LRP1B: variants seen among roughly 807,000 people sequenced by gnomAD.
The protein encoded by LRP1B is low-density lipoprotein receptor-related protein 1B.
A neutral mutation model predicts 556.6 loss-of-function variants in LRP1B; 217 were observed. That is an observed-to-expected ratio of 0.39 (90% CI 0.35 to 0.44). The LOEUF (loss-of-function observed/expected upper bound fraction) is 0.44. LRP1B is among the 20% of genes least tolerant of loss of function. The pLI is 1.00. For missense variants in LRP1B, 5,053 were observed against 5,620.8 expected (o/e 0.90, Z 3.23); for synonymous variants, 2,047 against 1,865.8 (o/e 1.10, Z -2.50).
intron 2 of LRP1B, among the ~76,000 whole-genome samples, chr2:141,666,385 A>ATGTTTGTT (rs528142186): frequency 1.3e-5 from 2 of 152,228 alleles, no homozygotes; most frequent in East Asian, 3.9e-4. Flanking sequence ...TGGCTGTTCC[A>ATGTTTGTT]TGTTTGTTTG....
intron 1 of LRP1B, among the ~76,000 whole-genome samples, chr2:141,977,256 T>A (rs1244898530): frequency 6.6e-6 from 1 of 152,134 alleles, no homozygotes; most frequent in East Asian, 1.9e-4. Flanking sequence ...CTAGCATCTA[T>A]AATCCAGATC....
At position 140,543,661 on chromosome 2, in the gene LRP1B, C is replaced by A. The variant is rs528888386; in HGVS notation, c.7195-1690G>T. Among the ~76,000 whole-genome samples the A allele has an allele frequency of 2.0e-5, 3 of 151,748 alleles. No homozygotes were observed. The South Asian group carries it at 6.2e-4, about 31-fold the overall frequency. On this transcript the variant is annotated intron_variant, in intron 43 of 90. Coordinates refer to ENST00000389484, the MANE Select transcript of LRP1B (RefSeq NM_018557.3). ...TTTAACATTATCCTGGCGTTTCTAA[C>A]TAGTATAATAAGGCAAAAATAAATA...
rs1573807770 is a variant in LRP1B at position 141,324,985 on chromosome 2, G to A, written c.344-70344C>T. 2.0e-5 allele frequency among the ~76,000 whole-genome samples: 3 copies of A among 152,062 alleles called. No individual in the cohort carries two copies. The East Asian group carries it at 5.8e-4, about 29-fold the overall frequency. On this transcript the variant is annotated intron_variant, in intron 3 of 90. Coordinates refer to ENST00000389484, the MANE Select transcript of LRP1B (RefSeq NM_018557.3). ...CTCCTTTTCCAATGAATAATCCATT[G>A]TAAACACAGAGACCTCCATCTAACA...
rs181986427 is a variant in LRP1B, at chr2:141,387,057, A to C, written c.343+93339T>G. On this transcript the variant is annotated intron_variant, in intron 3 of 90. Transcript: ENST00000389484. ...AGAAATTAATAAAAGATAAACTAGA[A>C]AACTGCCAAATATGTAGAAATTTAA... 3.9e-3 allele frequency among the ~76,000 whole-genome samples: 598 copies of C among 152,150 alleles called. 3 individuals are homozygous for C. Among genetic ancestry groups the C allele is most frequent in the African/African-American group, 0.014 (581 of 41,572 alleles).
chr2:140,493,505 C>G lies in LRP1B; in HGVS notation c.9035-812G>C, dbSNP rs1020786675. Among the ~76,000 whole-genome samples, 5 of 151,902 alleles carry G rather than the reference C, an allele frequency of 3.3e-5. No individual in the cohort carries two copies. The South Asian group carries it at 8.3e-4, about 25-fold the overall frequency. On this transcript the variant is annotated intron_variant, in intron 56 of 90. Coordinates refer to ENST00000389484, the MANE Select transcript of LRP1B (RefSeq NM_018557.3). ...TTAAATATGTATCTGGATAATTTGACGTCAATTTGACCACATTCTCAGTGG... is the reference window on the plus strand; with the variant it reads ...TTAAATATGTATCTGGATAATTTGAGGTCAATTTGACCACATTCTCAGTGG...
intron 31 of LRP1B, among the ~76,000 whole-genome samples, chr2:140,838,316 T>A (rs1297078515): frequency 1.3e-5 from 2 of 152,162 alleles, no homozygotes; most frequent in African/African-American, 4.8e-5. Flanking sequence ...GGTCCTAATC[T>A]TGTAGAACCC....
intron 3 of LRP1B, among the ~76,000 whole-genome samples, chr2:141,353,910 T>A (rs1337549481): frequency 2.0e-5 from 3 of 152,028 alleles, no homozygotes; most frequent in East Asian, 1.9e-4. Context: ...TACTTTCTTA[T>A]CTTGACCCTT....
intron 20 of LRP1B, among the ~76,000 whole-genome samples, chr2:140,943,583 T>TGAAATA (rs1271151145): frequency 6.6e-6 from 1 of 152,092 alleles, no homozygotes; most frequent in African/African-American, 2.4e-5. Context: ...AAAACTATAG[T>TGAAATA]GAAATAGAAA....
chr2:141,261,564 A>G (rs547706942), intron 3 of LRP1B, among the ~76,000 whole-genome samples: 20 of 152,082 alleles, frequency 1.3e-4, no homozygotes, highest in Admixed American at 9.8e-4. Flanking sequence ...TTTTTATCTC[A>G]ATGGTTTTGT....
At chr2:141,142,073 C>T (rs1444955371) in intron 7 of LRP1B, among the ~76,000 whole-genome samples, 1 of 123,358 alleles carries the variant, frequency 8.1e-6, no homozygotes, top group Admixed American at 9.0e-5. Context: ...ATAAAGGCAT[C>T]AACAATCTGG....
intron 31 of LRP1B, among the ~76,000 whole-genome samples, chr2:140,831,274 T>C (rs1366198866): frequency 6.6e-6 from 1 of 152,058 alleles, no homozygotes; most frequent in East Asian, 1.9e-4. Flanking sequence ...CTTCAAAATG[T>C]AGTACAAAGA....
At chr2:140,379,172 C>A (rs1395994146) in intron 67 of LRP1B, among the ~76,000 whole-genome samples, 5 of 152,134 alleles carry the variant, frequency 3.3e-5, no homozygotes, top group African/African-American at 1.2e-4. Context: ...TTTCTCTGTT[C>A]ATTCCTTGTG....
chr2:141,251,236 G>T (rs904844462), intron 4 of LRP1B, among the ~76,000 whole-genome samples: 1 of 152,220 alleles, frequency 6.6e-6, no homozygotes, highest in Middle Eastern at 3.4e-3. Flanking sequence ...ACAGTCCTTT[G>T]AAAATAAAAG....
At chr2:140,960,796 A>T (rs1367140921) in intron 18 of LRP1B, among the ~76,000 whole-genome samples, 1 of 152,132 alleles carries the variant, frequency 6.6e-6, no homozygotes, top group Non-Finnish European at 1.5e-5. Flanking sequence ...GAAATTATAC[A>T]CATCTGATAC....
At chr2:140,286,608 A>T (rs1365447737) in intron 84 of LRP1B, among the ~76,000 whole-genome samples, 3 of 151,888 alleles carry the variant, frequency 2.0e-5, no homozygotes, top group Admixed American at 6.6e-5. Flanking sequence ...CATGGAAGTA[A>T]GCCCAGTCAT....
chr2:140,270,261 T>C lies in LRP1B; in HGVS notation c.13228A>G (p.Thr4410Ala). The change falls in exon 86 of 91, where the codon ACA (threonine) becomes GCA (alanine). Residue 4410 changes from threonine to alanine, a missense_variant. Physicochemically the swap from Thr to Ala is moderately conservative, Grantham distance 58. Coordinates refer to ENST00000389484, the MANE Select transcript of LRP1B (RefSeq NM_018557.3). The stretch of plus-strand genomic sequence containing the variant: ...ACTCACAGACACACAGGTACATTTG[T>C]CTCGGGGTCCAGCTGGCATGTGCCA... ...NGGTCQLDPE[T>A]NVPVCLCSTN... 2 of 1,611,880 alleles carry C rather than the reference T, an allele frequency of 1.2e-6. No homozygotes were observed. The highest frequency in any genetic ancestry group is 1.1e-5 in the South Asian group (1 of 90,988).
At chr2:142,066,975 C>G (rs1462129283) in intron 1 of LRP1B, among the ~76,000 whole-genome samples, 1 of 151,402 alleles carries the variant, frequency 6.6e-6, no homozygotes, top group Non-Finnish European at 1.5e-5. Context: ...CTCTAGAGGA[C>G]AATGCATTTT....
chr2:140,464,001 G>T (rs1167346646), intron 60 of LRP1B, among the ~76,000 whole-genome samples: 1 of 152,032 alleles, frequency 6.6e-6, no homozygotes, highest in East Asian at 1.9e-4. Flanking sequence ...TTCGAGACCA[G>T]CCTGGCCAAT....
intron 66 of LRP1B, among the ~76,000 whole-genome samples, chr2:140,440,541 T>C (rs1391544948): frequency 6.6e-6 from 1 of 152,166 alleles, no homozygotes; most frequent in Non-Finnish European, 1.5e-5. Context: ...ATAATTAGCA[T>C]AAATATGTAA....
Sources: gnomAD v4.1 joint callset for allele counts (sites outside exome capture counted in the v4.1 genomes callset) on GRCh38, gnomAD v4.1.1 for gene constraint, MANE v1.5 for transcripts, NCBI Gene and HGNC (gene_info 2026-07-23, HGNC 2026-07-21) for gene names.